The following GYPE variants were observed in gnomAD, a reference collection of about 807,000 sequenced individuals.
The protein encoded by GYPE is glycophorin E (MNS blood group).
GYPE carries 8 observed loss-of-function variants against 11.6 expected under a neutral mutation model. The observed-to-expected ratio is 0.69, with a 90% confidence interval of 0.41 to 1.25. GYPE has a LOEUF of 1.25. GYPE is among the 50% of genes most tolerant of loss of function. The probability of loss-of-function intolerance (pLI) is 0.01; values close to 1 mark genes in which losing one functional copy is unlikely to be tolerated. For synonymous variants in GYPE, 28 were observed against 29.6 expected, an observed-to-expected ratio of 0.94 and a Z score of 0.18; for missense variants, 90 against 92.8, an observed-to-expected ratio of 0.97 and a Z score of 0.12.
At chr4:143,904,534 C>A (rs2149919082) in intron 1 of GYPE, among the ~76,000 whole-genome samples, 1 of 152,220 alleles carries the variant, frequency 6.6e-6, no homozygotes, top group Middle Eastern at 3.4e-3. Flanking sequence ...CTATTTTATC[C>A]TCCCCTAGGG....
At chr4:143,876,888 A>G (rs1743836410) in intron 2 of GYPE, 33 bp from the exon 3 acceptor site, 1 of 1,222,298 alleles carries the variant, frequency 8.2e-7, no homozygotes, top group Non-Finnish European at 1.2e-6. Flanking sequence ...CAAAATTATG[A>G]AAGTCTGAAA....
chr4:143,896,009 A>G (rs1326093652), intron 1 of GYPE, among the ~76,000 whole-genome samples: 1 of 152,188 alleles, frequency 6.6e-6, no homozygotes, highest in African/African-American at 2.4e-5. Context: ...AATTAATTCA[A>G]GATGGATTAA....
chr4:143,893,997 CTTTGTTCA>C (rs1393025669), intron 1 of GYPE, among the ~76,000 whole-genome samples: 2 of 152,098 alleles, frequency 1.3e-5, no homozygotes, highest in Non-Finnish European at 2.9e-5. Context: ...TTCTTGGAGG[CTTTGTTCA>C]TTTCTTTTTA....
At chr4:143,886,249 G>A (rs1459721805) in intron 1 of GYPE, among the ~76,000 whole-genome samples, 3 of 134,798 alleles carry the variant, frequency 2.2e-5, no homozygotes, top group Admixed American at 1.6e-4. Flanking sequence ...TTATTCCAGA[G>A]TAGAATCACA....
At chr4:143,895,690 C>T (rs1207754232) in intron 1 of GYPE, among the ~76,000 whole-genome samples, 4 of 137,046 alleles carry the variant, frequency 2.9e-5, no homozygotes, top group Non-Finnish European at 4.8e-5. Flanking sequence ...AAAGAGCCCG[C>T]ATTGCCAAGT....
intron 1 of GYPE, among the ~76,000 whole-genome samples, chr4:143,883,270 C>T (rs910163393): frequency 3.9e-5 from 6 of 151,970 alleles, no homozygotes; most frequent in African/African-American, 7.2e-5. Context: ...ACTTTCCCTT[C>T]GTCTTTTGCC....
intron 1 of GYPE, among the ~76,000 whole-genome samples, chr4:143,899,725 G>C (rs1310971370): frequency 7.1e-6 from 1 of 141,008 alleles, no homozygotes; most frequent in African/African-American, 2.6e-5. Flanking sequence ...GCAAAGGATA[G>C]TCTCTTCAAC....
chr4:143,882,369 C>G (rs1482908792), intron 1 of GYPE, among the ~76,000 whole-genome samples: 3 of 151,822 alleles, frequency 2.0e-5, no homozygotes, highest in African/African-American at 7.3e-5. Context: ...AAATTATTTA[C>G]AAAGATAACT....
intron 1 of GYPE, among the ~76,000 whole-genome samples, chr4:143,893,789 T>C (rs1744506651): frequency 6.6e-6 from 1 of 152,118 alleles, no homozygotes; most frequent in Non-Finnish European, 1.5e-5. Context: ...ATTACGTGTC[T>C]TGGAGTTGCT....
intron 2 of GYPE, 45 bp downstream of exon 2, chr4:143,880,366 A>T (rs1471528561): frequency 6.2e-7 from 1 of 1,613,464 alleles, no homozygotes; most frequent in South Asian, 1.1e-5. Flanking sequence ...TGCATCACAA[A>T]AACGATTTCG....
chr4:143,898,773 A>G (rs1372129286), intron 1 of GYPE, among the ~76,000 whole-genome samples: 1 of 152,090 alleles, frequency 6.6e-6, no homozygotes, highest in East Asian at 1.9e-4. Context: ...ATTCCCATAC[A>G]CTCATTTTGA....
chr4:143,875,486 A>G, intron 3 of GYPE: 1 of 1,551,188 alleles, frequency 6.4e-7, no homozygotes, highest in Non-Finnish European at 8.7e-7. Context: ...AAGATCAGGC[A>G]GCATGCAGGC....
chr4:143,885,232 T>C (rs184560219), intron 1 of GYPE, among the ~76,000 whole-genome samples: 36 of 152,222 alleles, frequency 2.4e-4, no homozygotes, highest in African/African-American at 8.4e-4. Context: ...TCTCTTAAAA[T>C]TGGCACTTTA....
chr4:143,897,780 T>C (rs1379563759), intron 1 of GYPE, among the ~76,000 whole-genome samples: 1 of 151,984 alleles, frequency 6.6e-6, no homozygotes, highest in Non-Finnish European at 1.5e-5. Context: ...CTTATCTAGC[T>C]CCAGAAAGTC....
At chr4:143,894,781 C>T (rs1299556040) in intron 1 of GYPE, among the ~76,000 whole-genome samples, 2 of 152,166 alleles carry the variant, frequency 1.3e-5, no homozygotes, top group East Asian at 3.9e-4. Flanking sequence ...CCGAATCCAG[C>T]AGCACATCAA....
intron 3 of GYPE, chr4:143,875,399 T>TG (rs1743756695): frequency 1.3e-6 from 2 of 1,488,938 alleles, no homozygotes; most frequent in Admixed American, 2.0e-5. Flanking sequence ...AGCCAAGGGT[T>TG]GGGGCATAAG....
intron 3 of GYPE, among the ~76,000 whole-genome samples, chr4:143,875,660 C>T (rs1306825318): frequency 6.6e-6 from 1 of 152,094 alleles, no homozygotes; most frequent in African/African-American, 2.4e-5. Flanking sequence ...TTGCCAAGTT[C>T]TTTTGGCTTT....
rs182828232 is a variant in GYPE at position 143,880,673 on chromosome 4, T to A, written c.38-164A>T. On this transcript the variant is annotated intron_variant, in intron 1 of 3. Transcript: ENST00000358615. ...TAGAGAATTGCTGTGTGGTAAGTAT[T>A]GTATTATTGGCCTTATTTTAAAATT... Among the ~76,000 whole-genome samples, 444 of 152,356 alleles carry A rather than the reference T, an allele frequency of 2.9e-3. 2 individuals are homozygous for A. Among genetic ancestry groups the A allele is most frequent in the African/African-American group, 1.0e-2 (414 of 41,578 alleles).
chr4:143,882,212 A>T (rs1468385142), intron 1 of GYPE, among the ~76,000 whole-genome samples: 1 of 152,072 alleles, frequency 6.6e-6, no homozygotes, highest in Non-Finnish European at 1.5e-5. Flanking sequence ...AATGTTTCTA[A>T]GTTGTTCAGC....
Sources: allele counts gnomAD v4.1 joint callset (sites outside exome capture counted in the v4.1 genomes callset), GRCh38; gene constraint gnomAD v4.1.1; transcripts MANE v1.5; gene names NCBI Gene and HGNC (gene_info 2026-07-23, HGNC 2026-07-21).